Variants in ZNF462 observed in about 807,000 individuals in gnomAD.
The protein encoded by ZNF462 is zinc finger PBX1-interacting protein.
In ZNF462, 10 loss-of-function variants were observed where a neutral mutation model predicts 201.9. The ratio of observed to expected loss-of-function variants is 0.05; its 90% CI spans 0.03 to 0.08. The LOEUF (loss-of-function observed/expected upper bound fraction) is 0.08, where lower values mean the gene tolerates loss of function less well. Among genes scored for constraint, ZNF462 ranks in the 10% least tolerant of loss-of-function variants. The probability of loss-of-function intolerance (pLI) is 1.00; values close to 1 mark genes in which losing one functional copy is unlikely to be tolerated. For synonymous variants in ZNF462, 1,227 were observed against 1,193.3 expected (o/e 1.03, Z -0.58); for missense variants, 2,523 against 3,168.3 (o/e 0.80, Z 4.89).
In ZNF462 at chr9:106,950,864, C is replaced by T. The variant is rs1021255628; in HGVS notation, c.6427+11757C>T. ...CAGCACTTTGGGAGGCCAAGGCAGGCGGATTGCCTGAAGTCAGGAGTTCAA... is the reference window on the plus strand; with the variant it reads ...CAGCACTTTGGGAGGCCAAGGCAGGTGGATTGCCTGAAGTCAGGAGTTCAA... On this transcript the variant is annotated intron_variant, in intron 7 of 12. Transcript: ENST00000277225. The surrounding 1 kb of genome is among the most constrained non-coding windows in gnomAD (Gnocchi z 4.1). 2.0e-5 allele frequency among the ~76,000 whole-genome samples: 3 copies of T among 152,168 alleles called. No individual in the cohort carries two copies. Among genetic ancestry groups the T allele is most frequent in the African/African-American group, 7.2e-5 (3 of 41,544 alleles).
chr9:106,977,290 C>T lies in ZNF462; in HGVS notation c.6832+3017C>T, dbSNP rs1451442554. The stretch of plus-strand genomic sequence containing the variant: ...TGCACCTGTCCTCTTCCTGCTCTAT[C>T]CATGACATCCTTGGTCTCTCAGGTC... On this transcript the variant is annotated intron_variant, in intron 9 of 12. Coordinates refer to ENST00000277225, the MANE Select transcript of ZNF462 (RefSeq NM_021224.6). This position sits in a 1 kb window ranked among gnomAD's most constrained non-coding sequence, Gnocchi z 4.6. Among the ~76,000 whole-genome samples, 1 of 147,336 alleles carries T rather than the reference C, an allele frequency of 6.8e-6. No homozygotes were observed. The highest frequency in any genetic ancestry group is 1.5e-5 in the Non-Finnish European group (1 of 68,008).
In ZNF462 at chr9:106,936,237, G is replaced by A. The variant is rs76844002; in HGVS notation, c.6235+616G>A. On this transcript the variant is annotated intron_variant, in intron 6 of 12. Coordinates refer to ENST00000277225, the MANE Select transcript of ZNF462 (RefSeq NM_021224.6). ...TTATCTGAAGACCACTGTTGTTGAC[G>A]TCTGATGTGTCATGACCCTTACCCA... Among the ~76,000 whole-genome samples, 383 of 152,254 alleles carry A rather than the reference G, an allele frequency of 2.5e-3. 5 individuals carry two copies. The East Asian group carries it at 0.057, about 23-fold the overall frequency.
intron 7 of ZNF462, among the ~76,000 whole-genome samples, chr9:106,960,882 C>T (rs1033593744): frequency 1.3e-5 from 2 of 152,088 alleles, no homozygotes; most frequent in African/African-American, 2.4e-5. Context: ...GCAACATAAA[C>T]CCATATCTGC....
At position 106,935,319 on chromosome 9, in the gene ZNF462, C is replaced by G. The variant is rs1338342160; in HGVS notation, c.6117-184C>G. On this transcript the variant is annotated intron_variant, in intron 5 of 12. Coordinates refer to ENST00000277225, the MANE Select transcript of ZNF462 (RefSeq NM_021224.6). This position sits in a 1 kb window ranked among gnomAD's most constrained non-coding sequence, Gnocchi z 4.1. ...TTGATCTCTTCCTTTAGCTTCCTGTCCTCTTAGAGTAGGTACAACTCTTGA... is the reference window on the plus strand; with the variant it reads ...TTGATCTCTTCCTTTAGCTTCCTGTGCTCTTAGAGTAGGTACAACTCTTGA... 6.6e-6 allele frequency among the ~76,000 whole-genome samples: 1 copy of G among 152,054 alleles called. No individual in the cohort carries two copies. The highest frequency in any genetic ancestry group is 2.4e-5 in the African/African-American group (1 of 41,408).
rs1381877452 is a variant in ZNF462, at chr9:106,870,084, T to C, written c.-31+6729T>C. On this transcript the variant is annotated intron_variant, in intron 1 of 12. Transcript: ENST00000277225. This position sits in a 1 kb window ranked among gnomAD's most constrained non-coding sequence, Gnocchi z 4.3. ...TCAGCTGAAGCACGTACAGGATTTT[T>C]AAAGTGTTTGGATGTGTGATTCCAA... Among the ~76,000 whole-genome samples, 1 of 152,224 alleles carries C rather than the reference T, an allele frequency of 6.6e-6. No homozygotes were observed. Among genetic ancestry groups the C allele is most frequent in the Non-Finnish European group, 1.5e-5 (1 of 68,046 alleles).
chr9:106,904,247 A>G (rs1829175099), intron 1 of ZNF462, among the ~76,000 whole-genome samples: 1 of 152,186 alleles, frequency 6.6e-6, no homozygotes, highest in African/African-American at 2.4e-5. Context: ...GAGGAGAGTG[A>G]AGATAGGTCC....
At chr9:106,998,560 A>G (rs1217172969) in intron 10 of ZNF462, among the ~76,000 whole-genome samples, 3 of 152,124 alleles carry the variant, frequency 2.0e-5, no homozygotes, top group East Asian at 1.9e-4. Flanking sequence ...TCCTCACTTC[A>G]TTGTTAAAGG....
At chr9:106,874,719 C>T (rs923538450) in intron 1 of ZNF462, among the ~76,000 whole-genome samples, 1 of 152,198 alleles carries the variant, frequency 6.6e-6, no homozygotes, top group Non-Finnish European at 1.5e-5. Flanking sequence ...TTCATTCCAT[C>T]TTCTCCCGTG....
At chr9:106,937,042 C>G (rs1200545486) in intron 6 of ZNF462, among the ~76,000 whole-genome samples, 1 of 152,100 alleles carries the variant, frequency 6.6e-6, no homozygotes, top group Admixed American at 6.5e-5. Context: ...AAAGCCAGTA[C>G]CTTTTCTGAA....
chr9:106,984,134 T>C lies in ZNF462; in HGVS notation c.6833-52T>C. On this transcript the variant is annotated intron_variant, in intron 9 of 12. Coordinates refer to ENST00000277225, the MANE Select transcript of ZNF462 (RefSeq NM_021224.6). This position sits in a 1 kb window ranked among gnomAD's most constrained non-coding sequence, Gnocchi z 6.4. The stretch of plus-strand genomic sequence containing the variant: ...TCTTGTATTCCAAAGAAAGAACTTC[T>C]GTTTTGCCATCAGTAAAAATTCCCA... 3 of 1,521,174 alleles carry C rather than the reference T, an allele frequency of 2.0e-6. No individual in the cohort carries two copies. In the South Asian group the frequency reaches 3.6e-5, roughly 18 times the overall value. 94.2% of individuals were successfully genotyped at this position (1,521,174 alleles called of 1,614,324 possible). A position where few individuals can be genotyped will look rare whatever the true frequency, so the allele number is the denominator to read the frequency against.
intron 1 of ZNF462, among the ~76,000 whole-genome samples, chr9:106,864,039 GCTCTCTCTCTCTCTCTCTCTCTCTCT>G (rs773917122): frequency 0.015 from 337 of 22,752 alleles, 10 homozygotes; most frequent in Admixed American, 0.027. Flanking sequence ...CAGGTATTTG[GCTCTCTCTCTCTCTCTCTCTCTCTCT>G]CTCTCTCTCT....
At chr9:106,948,736 TAG>T in intron 7 of ZNF462, among the ~76,000 whole-genome samples, 1 of 152,044 alleles carries the variant, frequency 6.6e-6, no homozygotes, top group East Asian at 1.9e-4. Flanking sequence ...TCTCACTATA[TAG>T]GTTCCATCAC....
intron 10 of ZNF462, among the ~76,000 whole-genome samples, chr9:107,002,322 C>T (rs2132630702): frequency 6.6e-6 from 1 of 152,224 alleles, no homozygotes; most frequent in Middle Eastern, 3.4e-3. Context: ...TATGTCCCCT[C>T]CCCAGGCCTC....
chr9:106,944,505 G>A (rs1831018986), intron 7 of ZNF462, among the ~76,000 whole-genome samples: 1 of 152,154 alleles, frequency 6.6e-6, no homozygotes, highest in African/African-American at 2.4e-5. Context: ...TGCATATGAT[G>A]TGTAATGATT....
intron 1 of ZNF462, among the ~76,000 whole-genome samples, chr9:106,918,966 G>A (rs55677344): frequency 6.6e-6 from 1 of 152,232 alleles, no homozygotes; most frequent in Non-Finnish European, 1.5e-5. Context: ...GGTTTCTGGA[G>A]TGGACAGAGG....
chr9:106,991,972 G>A (rs1221621843), intron 10 of ZNF462, among the ~76,000 whole-genome samples: 1 of 151,268 alleles, frequency 6.6e-6, no homozygotes, highest in Non-Finnish European at 1.5e-5. Context: ...TCTTGGGTTA[G>A]GGAAAAAAAT....
At chr9:106,957,202 T>C (rs1231030469) in intron 7 of ZNF462, among the ~76,000 whole-genome samples, 2 of 152,132 alleles carry the variant, frequency 1.3e-5, no homozygotes, top group Admixed American at 6.6e-5. Context: ...TAGAGGCCAT[T>C]CTACTAGGGT....
At position 106,933,317 on chromosome 9, in the gene ZNF462, G is replaced by A. The variant is rs1255495384; in HGVS notation, c.6116+768G>A. 3 of 152,486 alleles carry A rather than the reference G, an allele frequency of 2.0e-5. No individual in the cohort carries two copies. The highest frequency in any genetic ancestry group is 2.0e-4 in the Admixed American group (3 of 15,318). 9.4% of individuals were successfully genotyped at this position (152,486 alleles called of 1,614,324 possible). ...GCTTCTTACAAAAGATAAAGGGCCA[G>A]TTAGTGGTTGTTGAACAGAAGAAGG... is the stretch of plus-strand genomic sequence containing the variant. On this transcript the variant is annotated intron_variant, in intron 5 of 12. Coordinates refer to ENST00000277225, the MANE Select transcript of ZNF462 (RefSeq NM_021224.6). This position sits in a 1 kb window ranked among gnomAD's most constrained non-coding sequence, Gnocchi z 4.3.
chr9:106,986,976 C>CATAGATAGATAGATAG (rs55877241), intron 10 of ZNF462, among the ~76,000 whole-genome samples: 25 of 143,336 alleles, frequency 1.7e-4, no homozygotes, highest in African/African-American at 3.4e-4. Flanking sequence ...AGTATTCCAT[C>CATAGATAGATAGATAG]ATAGATAGAT....
Sources: gnomAD v4.1 joint callset for allele counts (sites outside exome capture counted in the v4.1 genomes callset) on GRCh38, gnomAD v4.1.1 for gene constraint, Gnocchi (gnomAD v3.1) non-coding constraint, MANE v1.5 for transcripts, NCBI Gene and HGNC (gene_info 2026-07-23, HGNC 2026-07-21) for gene names.